Variants in FAM107B observed in about 807,000 individuals in gnomAD.
FAM107B encodes the protein protein FAM107B.
In FAM107B, 21 loss-of-function variants were observed where a neutral mutation model predicts 31.5. The observed-to-expected ratio is 0.67, with a 90% CI of 0.47 to 0.96. The LOEUF (loss-of-function observed/expected upper bound fraction) is 0.96, where lower values mean the gene tolerates loss of function less well. Among genes scored for constraint, FAM107B ranks in the 40% least tolerant of loss-of-function variants. The probability of loss-of-function intolerance (pLI) is 0.00; values close to 1 mark genes in which losing one functional copy is unlikely to be tolerated. For synonymous variants in FAM107B, 157 were observed against 141.5 expected, an observed-to-expected ratio of 1.11 and a Z score of -0.78; for missense variants, 452 against 377.1, an observed-to-expected ratio of 1.20 and a Z score of -1.64.
intron 2 of FAM107B, among the ~76,000 whole-genome samples, chr10:14,625,259 CGT>C (rs55688523): frequency 0.43 from 62,053 of 145,962 alleles, 14,189 homozygotes; most frequent in Middle Eastern, 0.52. Flanking sequence ...CGTGTGCGTG[CGT>C]GTGTGTGTGT....
At chr10:14,767,628 T>TA (rs60825130) in intron 1 of FAM107B, among the ~76,000 whole-genome samples, 6,102 of 151,464 alleles carry the variant, frequency 0.04, 368 homozygotes, top group African/African-American at 0.13. Context: ...CCTTTCATAA[T>TA]AAAAAAAATA....
At chr10:14,692,477 T>C (rs1014766035) in intron 1 of FAM107B, among the ~76,000 whole-genome samples, 2 of 152,138 alleles carry the variant, frequency 1.3e-5, no homozygotes, top group Non-Finnish European at 2.9e-5. Flanking sequence ...TTTTTATCAG[T>C]GGCAAGCAAT....
Position 14,572,439 on chromosome 10 carries a change from C to T in FAM107B, c.470-41924G>A. ...CAAGTTCTCGCACTTCTTAGAGCAT[C>T]ACCACAACACCTACAGCATGGAGGC... is the stretch of plus-strand genomic sequence containing the variant. On this transcript the variant is annotated intron_variant, in intron 2 of 4. Coordinates refer to ENST00000181796, the MANE Select transcript of FAM107B (RefSeq NM_031453.4). 1.1e-5 allele frequency: 11 copies of T among 979,608 alleles called. No individual in the cohort carries two copies. In the South Asian group the frequency reaches 4.7e-4, roughly 42 times the overall value. 60.7% of individuals were successfully genotyped at this position (979,608 alleles called of 1,614,324 possible).
In FAM107B at chr10:14,572,094, G is replaced by C. The variant is rs762297821; in HGVS notation, c.470-41579C>G. 4.1e-6 allele frequency: 4 copies of C among 985,294 alleles called. No homozygotes were observed. The African/African-American group carries it at 5.2e-5, about 13-fold the overall frequency. The allele number at this position is 985,294 out of a possible 1,614,324, so 61.0% of individuals were successfully genotyped here. ...CTTTCTGGATATCAAAAGAGCCACA[G>C]TTCAAGTTCAAAGAGAAACACTCTA... is the stretch of plus-strand genomic sequence containing the variant. On this transcript the variant is annotated intron_variant, in intron 2 of 4. Transcript: ENST00000181796.
intron 1 of FAM107B, among the ~76,000 whole-genome samples, chr10:14,739,955 GCACTGA>G (rs1856397855): frequency 6.6e-6 from 1 of 152,180 alleles, no homozygotes; most frequent in South Asian, 2.1e-4. Context: ...TGAAATTTAT[GCACTGA>G]CAACATCAAA....
At chr10:14,684,039 C>G (rs1484325758) in intron 1 of FAM107B, among the ~76,000 whole-genome samples, 2 of 152,194 alleles carry the variant, frequency 1.3e-5, no homozygotes, top group Non-Finnish European at 2.9e-5. Context: ...GCTGCAAAGT[C>G]CAAGATCAAG....
intron 2 of FAM107B, among the ~76,000 whole-genome samples, chr10:14,653,169 T>C (rs1159106810): frequency 2.0e-5 from 3 of 152,220 alleles, no homozygotes; most frequent in East Asian, 3.8e-4. Flanking sequence ...GTATTTACAA[T>C]TAAGGCCAAA....
intron 2 of FAM107B, among the ~76,000 whole-genome samples, chr10:14,615,344 A>G (rs188173756): frequency 1.1e-4 from 17 of 152,306 alleles, no homozygotes; most frequent in African/African-American, 4.1e-4. Flanking sequence ...AACAAAAAAA[A>G]AGGCAGAAAC....
At chr10:14,569,664 A>T (rs994580163) in intron 2 of FAM107B, among the ~76,000 whole-genome samples, 1 of 152,212 alleles carries the variant, frequency 6.6e-6, no homozygotes, top group African/African-American at 2.4e-5. Context: ...TCACACAGTC[A>T]GCTCACAGGT....
intron 1 of FAM107B, among the ~76,000 whole-genome samples, chr10:14,732,461 G>A (rs1448294464): frequency 6.6e-6 from 1 of 152,146 alleles, no homozygotes; most frequent in Non-Finnish European, 1.5e-5. Flanking sequence ...TCCCCAGTAA[G>A]TGGCCTTATC....
chr10:14,597,613 C>T (rs1852230396), intron 2 of FAM107B, among the ~76,000 whole-genome samples: 1 of 152,196 alleles, frequency 6.6e-6, no homozygotes, highest in Non-Finnish European at 1.5e-5. Flanking sequence ...CCAAGTGTCC[C>T]TGTGTCCGCA....
intron 1 of FAM107B, among the ~76,000 whole-genome samples, chr10:14,766,843 G>T (rs1032217657): frequency 3.3e-5 from 5 of 150,316 alleles, no homozygotes; most frequent in African/African-American, 1.2e-4. Context: ...GAAAGACTTG[G>T]ATCATGTGGT....
intron 2 of FAM107B, among the ~76,000 whole-genome samples, chr10:14,647,466 G>C (rs1588680896): frequency 6.6e-6 from 1 of 152,200 alleles, no homozygotes; most frequent in South Asian, 2.1e-4. Flanking sequence ...ATCACTTGAG[G>C]TCAGGAGTTT....
intron 2 of FAM107B, among the ~76,000 whole-genome samples, chr10:14,646,951 G>A (rs377352449): frequency 1.4e-4 from 21 of 151,900 alleles, no homozygotes; most frequent in African/African-American, 3.9e-4. Flanking sequence ...CCACCACCAG[G>A]CCTGGCTAAT....
intron 1 of FAM107B, among the ~76,000 whole-genome samples, chr10:14,734,163 G>A (rs935447908): frequency 1.4e-4 from 21 of 152,252 alleles, no homozygotes; most frequent in African/African-American, 4.1e-4. Context: ...ACAATGTTAC[G>A]ATAACAAGGG....
intron 1 of FAM107B, among the ~76,000 whole-genome samples, chr10:14,719,973 A>G (rs1855873136): frequency 7.1e-6 from 1 of 141,478 alleles, no homozygotes; most frequent in African/African-American, 2.4e-5. Context: ...GCCCTGACGG[A>G]CTGGGTACCC....
intron 3 of FAM107B, among the ~76,000 whole-genome samples, chr10:14,524,270 T>C (rs1845993006): frequency 6.6e-6 from 1 of 152,146 alleles, no homozygotes. Context: ...CTCGAACTCC[T>C]GAGCTCAAGC....
At chr10:14,625,125 T>C (rs1853122932) in intron 2 of FAM107B, among the ~76,000 whole-genome samples, 3 of 151,006 alleles carry the variant, frequency 2.0e-5, no homozygotes, top group Admixed American at 2.0e-4. Flanking sequence ...CTTGGGAGGC[T>C]GAGGCAGGAG....
chr10:14,608,445 A>C (rs899245076), intron 2 of FAM107B, among the ~76,000 whole-genome samples: 1 of 152,244 alleles, frequency 6.6e-6, no homozygotes, highest in African/African-American at 2.4e-5. Context: ...GACAAGGCTC[A>C]GCTGCGATAT....
Sources: allele counts gnomAD v4.1 joint callset (sites outside exome capture counted in the v4.1 genomes callset), GRCh38; gene constraint gnomAD v4.1.1; transcripts MANE v1.5; gene names NCBI Gene and HGNC (gene_info 2026-07-23, HGNC 2026-07-21).